GCN1: variants seen among roughly 807,000 people sequenced by gnomAD.
GCN1 encodes the protein stalled ribosome sensor GCN1.
Under a neutral mutation model 288.4 loss-of-function variants are expected in GCN1, and 90 were observed. The observed-to-expected ratio is 0.31, with a 90% CI of 0.26 to 0.37. The LOEUF (loss-of-function observed/expected upper bound fraction) is 0.37. Among genes scored for constraint, GCN1 ranks in the 10% least tolerant of loss-of-function variants. The pLI is 1.00. For synonymous variants in GCN1, 1,386 were observed against 1,420.2 expected (o/e 0.98, Z 0.54); for missense variants, 2,586 against 3,419.9 (o/e 0.76, Z 6.08).
chr12:120,190,627 G>A (rs1052624717), intron 1 of GCN1, among the ~76,000 whole-genome samples: 4 of 151,870 alleles, frequency 2.6e-5, no homozygotes, highest in African/African-American at 7.3e-5. Context: ...TTCCCCACCC[G>A]CCCCAGTTGT....
chr12:120,137,096 C>T lies in GCN1; in HGVS notation c.6777+110G>A, dbSNP rs1470431396. The stretch of plus-strand genomic sequence containing the variant: ...CTGCGAAGGTGCTGAACACCAACCA[C>T]CACGGCTACTGCTCCAGCAGCCCCT... On this transcript the variant is annotated intron_variant, in intron 50 of 57. Transcript: ENST00000300648. This position sits in a 1 kb window ranked among gnomAD's most constrained non-coding sequence, Gnocchi z 5.2. 3.9e-6 allele frequency: 3 copies of T among 776,170 alleles called. No individual in the cohort carries two copies. The highest frequency in any genetic ancestry group is 6.8e-6 in the Non-Finnish European group (3 of 441,416). The allele number at this position is 776,170 out of a possible 1,614,324, so 48.1% of individuals were successfully genotyped here. A position where few individuals can be genotyped will look rare whatever the true frequency, so the allele number is the denominator to read the frequency against.
Position 120,144,440 on chromosome 12 carries a change from A to G in GCN1, c.5361T>C (p.Ala1787=), listed in dbSNP as rs754433240. 1.2e-6 allele frequency: 2 copies of G among 1,613,104 alleles called. No individual in the cohort carries two copies. Among genetic ancestry groups the G allele is most frequent in the Non-Finnish European group, 1.7e-6 (2 of 1,179,298 alleles). The part of the protein sequence containing the change: ...PIIPCILKAL[A]DENEFVRDTA... ...TGTCACGCACAAACTCATTCTCATCAGCAAGAGCCTGGGCACACAGAGGGT... is the reference window on the plus strand; with the variant it reads ...TGTCACGCACAAACTCATTCTCATCGGCAAGAGCCTGGGCACACAGAGGGT... The change falls in exon 42 of 58, where the codon GCT becomes GCC. Residue 1787 remains alanine, a synonymous_variant. Transcript: ENST00000300648. This position sits in a 1 kb window ranked among gnomAD's most constrained non-coding sequence, Gnocchi z 4.7.
At position 120,168,253 on chromosome 12, in the gene GCN1, G is replaced by T; in HGVS notation, c.1567C>A (p.Gln523Lys). 1 of 1,609,736 alleles carries T rather than the reference G, an allele frequency of 6.2e-7. No homozygotes were observed. Among genetic ancestry groups the T allele is most frequent in the Non-Finnish European group, 8.5e-7 (1 of 1,175,966 alleles). The change falls in exon 16 of 58, where the codon CAG becomes AAG. Residue 523 changes from glutamine to lysine, a missense_variant. By Grantham distance (53) the Gln-to-Lys change is moderately conservative. Coordinates refer to ENST00000300648, the MANE Select transcript of GCN1 (RefSeq NM_006836.2). ...FWQLIVDEKK[Q>K]VFTSEKFLVM... ...AGGAATTTCTCAGAAGTGAAAACCT[G>T]CTTTTTCTCATCCACAATCAACTGC...
intron 2 of GCN1, among the ~76,000 whole-genome samples, chr12:120,188,321 C>A (rs1164327133): frequency 6.6e-6 from 1 of 151,732 alleles, no homozygotes; most frequent in East Asian, 1.9e-4. Flanking sequence ...GTAATCCCAG[C>A]TACTTGGGAG....
At chr12:120,163,751 AT>A (rs1329734710) in intron 18 of GCN1, among the ~76,000 whole-genome samples, 1 of 152,210 alleles carries the variant, frequency 6.6e-6, no homozygotes, top group Non-Finnish European at 1.5e-5. Context: ...TAAAAAAAAA[AT>A]CAAAAGGAAA....
chr12:120,148,454 G>T, intron 36 of GCN1, 108 bp from the exon 37 acceptor site: 1 of 886,644 alleles, frequency 1.1e-6, no homozygotes, highest in Non-Finnish European at 1.7e-6. Context: ...CCTGCAGACG[G>T]TGCTCAAGCA....
At chr12:120,146,909 C>T (rs953213507) in intron 38 of GCN1, 143 bp downstream of exon 38, 5 of 492,020 alleles carry the variant, frequency 1.0e-5, no homozygotes, top group African/African-American at 3.8e-5. Context: ...ATTTCCACCA[C>T]AAAATGGCTC....
In GCN1 at chr12:120,161,872, G is replaced by C; in HGVS notation, c.2342+8C>G. ...CAAAGGAAACTGAGCCCATAAGTGA[G>C]GTCTCACCTCTGAATGATGGATTTG... On this transcript the variant is annotated splice_region_variant and intron_variant, in intron 21 of 57. Transcript: ENST00000300648. 6.2e-7 allele frequency: 1 copy of C among 1,613,490 alleles called. No individual in the cohort carries two copies. The highest frequency in any genetic ancestry group is 8.5e-7 in the Non-Finnish European group (1 of 1,179,582).
chr12:120,188,523 C>A (rs1474989333), intron 2 of GCN1, among the ~76,000 whole-genome samples: 1 of 151,128 alleles, frequency 6.6e-6, no homozygotes, highest in Non-Finnish European at 1.5e-5. Flanking sequence ...ATGGTGCTGA[C>A]TTCCACGGAA....
chr12:120,175,601 C>T lies in GCN1; in HGVS notation c.1042+145G>A, dbSNP rs1878455677. 3 of 825,960 alleles carry T rather than the reference C, an allele frequency of 3.6e-6. 1 individual carries two copies. The South Asian group carries it at 5.0e-5, about 14-fold the overall frequency. The allele number at this position is 825,960 out of a possible 1,614,324, so 51.2% of individuals were successfully genotyped here. A position where few individuals can be genotyped will look rare whatever the true frequency, so the allele number is the denominator to read the frequency against. ...GTGCACGGTTTTGTTCATTCACACA[C>T]ATTCACATTCCAGTGTGACGTCCCC... On this transcript the variant is annotated intron_variant, in intron 11 of 57. Coordinates refer to ENST00000300648, the MANE Select transcript of GCN1 (RefSeq NM_006836.2).
At position 120,144,532 on chromosome 12, in the gene GCN1, G is replaced by T. The variant is rs1316387192; in HGVS notation, c.5353-84C>A. On this transcript the variant is annotated intron_variant, in intron 41 of 57. Coordinates refer to ENST00000300648, the MANE Select transcript of GCN1 (RefSeq NM_006836.2). The surrounding 1 kb of genome is among the most constrained non-coding windows in gnomAD (Gnocchi z 4.7). ...AACATGGGGCTCACTGAAGGCTGAGGGCTCTGCCAACCAACCCCAGCCAGC... is the reference window on the plus strand; with the variant it reads ...AACATGGGGCTCACTGAAGGCTGAGTGCTCTGCCAACCAACCCCAGCCAGC... The T allele has an allele frequency of 1.0e-5, 16 of 1,568,450 alleles. No homozygotes were observed. Among genetic ancestry groups the T allele is most frequent in the Non-Finnish European group, 1.3e-5 (15 of 1,151,680 alleles).
At chr12:120,192,923 C>G (rs1879052190) in intron 1 of GCN1, among the ~76,000 whole-genome samples, 1 of 151,968 alleles carries the variant, frequency 6.6e-6, no homozygotes. Context: ...GTAATCCCAG[C>G]TACTCGGGAA....
chr12:120,142,125 G>A lies in GCN1; in HGVS notation c.5829+382C>T, dbSNP rs1250842610. Among the ~76,000 whole-genome samples, 1 of 152,088 alleles carries A rather than the reference G, an allele frequency of 6.6e-6. No individual in the cohort carries two copies. The highest frequency in any genetic ancestry group is 6.5e-5 in the Admixed American group (1 of 15,276). ...GCGCATCACGAGGTCAGGAGATCGA[G>A]ACCGTCCTGGCTAACGTGCTGAAAC... is the stretch of plus-strand genomic sequence containing the variant. On this transcript the variant is annotated intron_variant, in intron 44 of 57. Coordinates refer to ENST00000300648, the MANE Select transcript of GCN1 (RefSeq NM_006836.2). This position sits in a 1 kb window ranked among gnomAD's most constrained non-coding sequence, Gnocchi z 4.9.
At chr12:120,175,901 A>T in intron 10 of GCN1, 27 bp from the exon 11 acceptor site, 1 of 1,592,688 alleles carries the variant, frequency 6.3e-7, no homozygotes, top group Non-Finnish European at 8.5e-7. Context: ...ACTGCTCAGA[A>T]GCAGCCAACA....
intron 2 of GCN1, among the ~76,000 whole-genome samples, chr12:120,187,887 GAA>G (rs537567748): frequency 1.0e-5 from 1 of 99,626 alleles, no homozygotes; most frequent in Non-Finnish European, 2.1e-5. Context: ...CAAAAGAAAT[GAA>G]AAAAAAAAAA....
intron 44 of GCN1, among the ~76,000 whole-genome samples, chr12:120,141,414 C>T (rs1265452781): frequency 1.3e-5 from 2 of 152,208 alleles, no homozygotes; most frequent in Non-Finnish European, 2.9e-5. Context: ...TTTCTGAGAC[C>T]TCATGCAAAC....
At chr12:120,172,614 A>G (rs1878346605) in intron 14 of GCN1, among the ~76,000 whole-genome samples, 1 of 151,794 alleles carries the variant, frequency 6.6e-6, no homozygotes. Flanking sequence ...GGCTCAAGCG[A>G]TTCTCCTGCC....
At position 120,136,623 on chromosome 12, in the gene GCN1, G is replaced by C. The variant is rs759256305; in HGVS notation, c.6887C>G (p.Ala2296Gly). The C allele has an allele frequency of 6.2e-7, 1 of 1,614,182 alleles. No individual in the cohort carries two copies. The highest frequency in any genetic ancestry group is 1.1e-5 in the South Asian group (1 of 91,086). Residue 2296 changes from alanine (A) to glycine (G), a missense_variant, in exon 51 of 58, where the codon GCT (alanine) becomes GGT (glycine). This residue lies in a region of GCN1 where 437 missense variants were observed against 570.5 expected (regional missense o/e 0.77). Transcript: ENST00000300648. ...ALGLVIRLTS[A>G]DALRPSVVSI... Reference sequence around the variant, plus strand: ...GACCACGGAGGGCCTCAGGGCGTCAGCCGAGGTCAGGCGGATTACCAAGCC... The same window carrying C: ...GACCACGGAGGGCCTCAGGGCGTCACCCGAGGTCAGGCGGATTACCAAGCC...
chr12:120,128,085 G>A, intron 57 of GCN1, 111 bp from the exon 58 acceptor site: 1 of 1,105,100 alleles, frequency 9.0e-7, no homozygotes, highest in South Asian at 1.4e-5. Flanking sequence ...AGACACTGAG[G>A]TGGACTCTGG....
Sources: allele counts gnomAD v4.1 joint callset (sites outside exome capture counted in the v4.1 genomes callset), GRCh38; gene constraint gnomAD v4.1.1; regional missense constraint gnomAD v4.1.1; non-coding constraint Gnocchi (gnomAD v3.1); transcripts MANE v1.5; gene names NCBI Gene and HGNC (gene_info 2026-07-23, HGNC 2026-07-21).